The following MTHFD1 variants were observed in gnomAD, a reference collection of about 807,000 sequenced individuals.
MTHFD1 encodes C-1-tetrahydrofolate synthase, cytoplasmic.
A neutral mutation model predicts 110.3 loss-of-function variants in MTHFD1; 44 were observed. The ratio of observed to expected loss-of-function variants is 0.40; its 90% confidence interval spans 0.31 to 0.51. The LOEUF (loss-of-function observed/expected upper bound fraction) is 0.51. MTHFD1 is among the 20% of genes least tolerant of loss of function. The pLI is 0.60. For missense variants in MTHFD1, 909 were observed against 1,173.1 expected (o/e 0.77, Z 3.29); for synonymous variants, 402 against 428.8 (o/e 0.94, Z 0.77).
chr14:64,430,920 T>G (rs1410047773), intron 13 of MTHFD1, among the ~76,000 whole-genome samples: 1 of 152,146 alleles, frequency 6.6e-6, no homozygotes, highest in Non-Finnish European at 1.5e-5. Context: ...TTGAGGTGTG[T>G]CCTCAGTAAC....
intron 1 of MTHFD1, among the ~76,000 whole-genome samples, chr14:64,389,529 G>A (rs2077788150): frequency 6.6e-6 from 1 of 152,058 alleles, no homozygotes; most frequent in Non-Finnish European, 1.5e-5. Context: ...CCAAAATGGT[G>A]AAACCCCATC....
chr14:64,443,133 C>T (rs1566572371), intron 21 of MTHFD1, among the ~76,000 whole-genome samples: 2 of 152,194 alleles, frequency 1.3e-5, no homozygotes, highest in Admixed American at 1.3e-4. Flanking sequence ...CCCTGGCCTA[C>T]AGGATAAAAA....
rs1397322331 is a variant in MTHFD1, at chr14:64,411,110, C to T, written c.147C>T (p.Ser49=). 3 of 1,612,916 alleles carry T rather than the reference C, an allele frequency of 1.9e-6. No homozygotes were observed. Among genetic ancestry groups the T allele is most frequent in the East Asian group, 2.2e-5 (1 of 44,882 alleles). Residue 49 remains serine, a synonymous_variant, in exon 3 of 28, where the codon TCC becomes TCT. Transcript: ENST00000652337. ...TCTAGGTTGGCAACAGAGATGATTC[C>T]AATCTTTATATAAATGTGAAGCTGA... The part of the protein sequence containing the change: ...AILQVGNRDD[S]NLYINVKLKA...
rs529500549 is a variant in MTHFD1, at chr14:64,445,322, T to C, written c.2178+588T>C. On this transcript the variant is annotated intron_variant, in intron 22 of 27. Transcript: ENST00000652337. The stretch of plus-strand genomic sequence containing the variant: ...AAATCCATATTAACGGGCCAAGATA[T>C]ATGGTCAGGATTCTGGTTGTTTTTC... 6.6e-5 allele frequency among the ~76,000 whole-genome samples: 10 copies of C among 152,286 alleles called. No individual in the cohort carries two copies. In the East Asian group the frequency reaches 1.9e-3, roughly 29 times the overall value.
chr14:64,413,530 T>C (rs2078001999), intron 4 of MTHFD1, among the ~76,000 whole-genome samples: 2 of 152,196 alleles, frequency 1.3e-5, no homozygotes, highest in Admixed American at 6.5e-5. Flanking sequence ...ATAAAGCAAC[T>C]TTCTTGAGGT....
chr14:64,450,156 G>C (rs1281457136), intron 24 of MTHFD1, among the ~76,000 whole-genome samples: 1 of 152,238 alleles, frequency 6.6e-6, no homozygotes, highest in Non-Finnish European at 1.5e-5. Context: ...GAATACCCCA[G>C]GGTGGAGGGG....
intron 26 of MTHFD1, among the ~76,000 whole-genome samples, chr14:64,455,473 T>C (rs983459012): frequency 6.6e-6 from 1 of 152,198 alleles, no homozygotes; most frequent in Non-Finnish European, 1.5e-5. Context: ...ATATTGCCAG[T>C]TGGGAAGCAG....
chr14:64,459,300 A>G (rs955389628), intron 27 of MTHFD1, among the ~76,000 whole-genome samples: 4 of 152,246 alleles, frequency 2.6e-5, no homozygotes, highest in African/African-American at 9.6e-5. Context: ...GGGCATTCTG[A>G]TAACCATGCA....
intron 24 of MTHFD1, among the ~76,000 whole-genome samples, chr14:64,451,700 A>G (rs1283785020): frequency 6.6e-6 from 1 of 152,252 alleles, no homozygotes; most frequent in Non-Finnish European, 1.5e-5. Context: ...ACCCATTTCT[A>G]CTTGCAACTT....
intron 15 of MTHFD1, among the ~76,000 whole-genome samples, chr14:64,435,253 G>A (rs1295974407): frequency 5.3e-5 from 8 of 151,936 alleles, no homozygotes; most frequent in Non-Finnish European, 1.0e-4. Context: ...TGAGCTTCAC[G>A]CCTAGCTGAA....
chr14:64,397,290 A>ATTTG lies in MTHFD1; in HGVS notation c.42-3487_42-3484dup, dbSNP rs562677901. Among the ~76,000 whole-genome samples the ATTTG allele has an allele frequency of 3.6e-3, 415 of 116,732 alleles. 3 individuals are homozygous for ATTTG. Among genetic ancestry groups the ATTTG allele is most frequent in the Admixed American group, 6.5e-3 (75 of 11,522 alleles). 76.6% of individuals were successfully genotyped at this position (116,732 alleles called of 152,430 possible). ...AAGCCCTGTTGTTTTTGTTGTTGTTATTTGTTTGTTTGTTTGTTTTGAGAC... is the reference window on the plus strand; with the variant it reads ...AAGCCCTGTTGTTTTTGTTGTTGTTATTTGTTTGTTTGTTTGTTTGTTTTGAGAC... On this transcript the variant is annotated intron_variant, in intron 1 of 27. Transcript: ENST00000652337.
intron 6 of MTHFD1, among the ~76,000 whole-genome samples, chr14:64,415,972 G>A (rs939787883): frequency 1.3e-5 from 2 of 152,178 alleles, no homozygotes; most frequent in Admixed American, 1.3e-4. Context: ...CAGGCACAGC[G>A]GCTCATGCCT....
chr14:64,429,627 G>A (rs1012612568), intron 12 of MTHFD1, among the ~76,000 whole-genome samples: 1 of 152,090 alleles, frequency 6.6e-6, no homozygotes, highest in African/African-American at 2.4e-5. Context: ...GATTTGGGAT[G>A]CTGGATCAGT....
intron 17 of MTHFD1, 41 bp downstream of exon 17, chr14:64,439,213 A>G (rs764453613): frequency 2.1e-6 from 3 of 1,458,654 alleles, no homozygotes; most frequent in Non-Finnish European, 9.6e-7. Context: ...GTTCAGAGGC[A>G]CTAGATCTTG....
At chr14:64,413,060 T>C (rs571208547) in intron 4 of MTHFD1, among the ~76,000 whole-genome samples, 1 of 152,094 alleles carries the variant, frequency 6.6e-6, no homozygotes, top group South Asian at 2.1e-4. Flanking sequence ...TTGTTAAAAC[T>C]GATCCTTGGA....
chr14:64,389,590 TC>T (rs1413210787), intron 1 of MTHFD1, among the ~76,000 whole-genome samples: 1 of 151,958 alleles, frequency 6.6e-6, no homozygotes, highest in Non-Finnish European at 1.5e-5. Flanking sequence ...GCATCTGTAA[TC>T]CCAGCTACTT....
intron 2 of MTHFD1, among the ~76,000 whole-genome samples, chr14:64,408,006 GTAGACCAATACCCAAGATATC>G (rs139479330): frequency 0.22 from 32,791 of 152,044 alleles, 4,025 homozygotes; most frequent in African/African-American, 0.34. Flanking sequence ...AAATGAACCA[GTAGACCAATACCCAAGATATC>G]TTACGGTGTA....
intron 1 of MTHFD1, among the ~76,000 whole-genome samples, chr14:64,390,836 A>T (rs2077798485): frequency 6.6e-6 from 1 of 152,050 alleles, no homozygotes; most frequent in Admixed American, 6.5e-5. Flanking sequence ...TTTAGTAGAG[A>T]CGGGCTTTCA....
At chr14:64,427,239 A>T in intron 11 of MTHFD1, 98 bp from the exon 12 acceptor site, 1 of 1,384,398 alleles carries the variant, frequency 7.2e-7, no homozygotes, top group Non-Finnish European at 1.0e-6. Flanking sequence ...CTTAATCTTT[A>T]GATTACGAGT....
Sources: allele counts gnomAD v4.1 joint callset (sites outside exome capture counted in the v4.1 genomes callset), GRCh38; gene constraint gnomAD v4.1.1; transcripts MANE v1.5; gene names NCBI Gene and HGNC (gene_info 2026-07-23, HGNC 2026-07-21).